The following ARHGAP6 variants were observed in gnomAD, a reference collection of about 807,000 sequenced individuals.
ARHGAP6 encodes the protein Rho GTPase activating protein 6, also known as rho GTPase-activating protein 6.
Under a neutral mutation model 55.7 loss-of-function variants are expected in ARHGAP6, and 16 were observed. That is an observed-to-expected ratio of 0.29 (90% CI 0.19 to 0.44). The LOEUF is 0.44. Among genes scored for constraint, ARHGAP6 ranks in the 20% least tolerant of loss-of-function variants. ARHGAP6 has a pLI of 1.00. For missense variants in ARHGAP6, 698 were observed against 808.9 expected, an observed-to-expected ratio of 0.86 and a Z score of 1.66; for synonymous variants, 382 against 360.9, an observed-to-expected ratio of 1.06 and a Z score of -0.66.
At position 11,196,933 on chromosome X, in the gene ARHGAP6, T is replaced by A; in HGVS notation, c.812A>T (p.Lys271Ile). ...KLDSLGKEKN[K>I]DKEFIPQAFG... Reference sequence around the variant, plus strand: ...GGTACTTTACCCTTTACCTTTGTCTTTGTTTTTCTCCTTTCCTAGTGAATC... The same window carrying A: ...GGTACTTTACCCTTTACCTTTGTCTATGTTTTTCTCCTTTCCTAGTGAATC... Residue 271 changes from lysine to isoleucine, a missense_variant, in exon 3 of 13, where the codon AAA (lysine) becomes ATA (isoleucine). Transcript: ENST00000337414. 1 of 1,083,334 alleles carries A rather than the reference T, an allele frequency of 9.2e-7. No homozygotes were observed. Among genetic ancestry groups the A allele is most frequent in the East Asian group, 3.0e-5 (1 of 33,235 alleles). The allele number at this position is 1,083,334 out of a possible 1,213,427, so 89.3% of individuals were successfully genotyped here.
chrX:11,439,374 C>T (rs770304128), intron 1 of ARHGAP6, among the ~76,000 whole-genome samples: 1 of 112,373 alleles, frequency 8.9e-6, no homozygotes, highest in East Asian at 2.8e-4. Flanking sequence ...CACACCCATT[C>T]GTTTACTTAC....
intron 1 of ARHGAP6, among the ~76,000 whole-genome samples, chrX:11,526,253 C>T (rs752625712): frequency 9.0e-6 from 1 of 111,486 alleles, no homozygotes; most frequent in East Asian, 2.8e-4. Context: ...TAAAGCTTCA[C>T]TCTGAGTCAT....
At chrX:11,197,283 C>T (rs1422689610) in intron 2 of ARHGAP6, among the ~76,000 whole-genome samples, 1 of 111,684 alleles carries the variant, frequency 9.0e-6, no homozygotes, top group African/African-American at 3.2e-5. Flanking sequence ...TTTAATTTTA[C>T]TATTATCTAA....
chrX:11,467,992 G>GAATAAATA (rs1199877737), intron 1 of ARHGAP6, among the ~76,000 whole-genome samples: 59 of 39,702 alleles, frequency 1.5e-3, no homozygotes, highest in Non-Finnish European at 2.6e-3. Context: ...ATGAATGAAT[G>GAATAAATA]AATAAATAAA....
rs1009664291 is a variant in ARHGAP6 at position 11,267,925 on chromosome X, G to A, written c.589-13218C>T. On this transcript the variant is annotated intron_variant, in intron 1 of 12. Transcript: ENST00000337414. Reference sequence around the variant, plus strand: ...ACCAATAAGAGACCAAAGAGTCACTGAAAGAGCCTTGGAAATAAATATCAG... The same window carrying A: ...ACCAATAAGAGACCAAAGAGTCACTAAAAGAGCCTTGGAAATAAATATCAG... Among the ~76,000 whole-genome samples, 6 of 112,360 alleles carry A rather than the reference G, an allele frequency of 5.3e-5. No individual in the cohort carries two copies. The Middle Eastern group carries it at 0.014, about 258-fold the overall frequency.
At chrX:11,357,679 T>G (rs1014805469) in intron 1 of ARHGAP6, among the ~76,000 whole-genome samples, 1 of 111,525 alleles carries the variant, frequency 9.0e-6, no homozygotes, top group Non-Finnish European at 1.9e-5. Flanking sequence ...AGATTCTGCC[T>G]TTGTGAGAGA....
intron 10 of ARHGAP6, chrX:11,145,045 A>G (rs774983036): frequency 2.1e-4 from 24 of 112,236 alleles, no homozygotes; most frequent in Non-Finnish European, 3.6e-4. Context: ...AACTTGAGCA[A>G]CGTGAAAAGA....
intron 1 of ARHGAP6, among the ~76,000 whole-genome samples, chrX:11,643,202 G>A (rs960670222): frequency 8.9e-6 from 1 of 111,759 alleles, no homozygotes; most frequent in African/African-American, 3.2e-5. Flanking sequence ...CCCTTCTACA[G>A]TCTTTCTTCT....
At chrX:11,631,234 G>C (rs1012630175) in intron 1 of ARHGAP6, among the ~76,000 whole-genome samples, 1 of 111,374 alleles carries the variant, frequency 9.0e-6, no homozygotes, top group African/African-American at 3.3e-5. Flanking sequence ...CCCTCAAAAA[G>C]GTAAAATGGG....
At position 11,188,183 on chromosome X, in the gene ARHGAP6, T is replaced by A. The variant is rs149748030; in HGVS notation, c.1077+545A>T. ...ACAATTCAAATAATAGCACAGTACC[T>A]AGAACATAGTACTTAACAATTGGTA... On this transcript the variant is annotated intron_variant, in intron 4 of 12. Transcript: ENST00000337414. 1.8e-3 allele frequency among the ~76,000 whole-genome samples: 200 copies of A among 112,110 alleles called. 1 individual carries two copies. Among genetic ancestry groups the A allele is most frequent in the African/African-American group, 6.2e-3 (190 of 30,847 alleles).
chrX:11,194,535 CT>C (rs1286738628), intron 3 of ARHGAP6, among the ~76,000 whole-genome samples: 1 of 111,937 alleles, frequency 8.9e-6, no homozygotes, highest in East Asian at 2.8e-4. Context: ...CTTTCACCTT[CT>C]TTTTTCCAAT....
chrX:11,478,343 G>A (rs972930854), intron 1 of ARHGAP6, among the ~76,000 whole-genome samples: 4 of 112,222 alleles, frequency 3.6e-5, no homozygotes, highest in African/African-American at 1.3e-4. Context: ...TTCATACAAT[G>A]GAAAACTACC....
chrX:11,165,063 G>A (rs2045999893), intron 9 of ARHGAP6, among the ~76,000 whole-genome samples: 1 of 112,083 alleles, frequency 8.9e-6, no homozygotes, highest in Non-Finnish European at 1.9e-5. Context: ...TTTTCAACAG[G>A]TGTTGATATC....
intron 2 of ARHGAP6, among the ~76,000 whole-genome samples, chrX:11,212,735 T>C (rs1309582640): frequency 8.9e-6 from 1 of 112,402 alleles, no homozygotes; most frequent in African/African-American, 3.2e-5. Flanking sequence ...TGATTGTCTA[T>C]AGATTTCTAT....
rs377559699 is a variant in ARHGAP6 at position 11,150,357 on chromosome X, C to A, written c.1908-6109G>T. ...TTAGTTCTGCAAAGCATCCCTTATG[C>A]GGAACTTAGGGGCCCGAGATGCCTC... On this transcript the variant is annotated intron_variant, in intron 10 of 12. Coordinates refer to ENST00000337414, the MANE Select transcript of ARHGAP6 (RefSeq NM_013427.3). Among the ~76,000 whole-genome samples, 41 of 111,108 alleles carry A rather than the reference C, an allele frequency of 3.7e-4. No homozygotes were observed. The South Asian group carries it at 0.015, about 41-fold the overall frequency.
At chrX:11,590,869 GGAAAGAAAGAAAGAAA>G (rs746597625) in intron 1 of ARHGAP6, among the ~76,000 whole-genome samples, 34 of 24,221 alleles carry the variant, frequency 1.4e-3, no homozygotes, top group South Asian at 3.5e-3. Flanking sequence ...AAGAAAAGAA[GGAAAGAAAGAAAGAAA>G]GAAAGAAAGA....
At chrX:11,272,683 A>AT (rs2047706548) in intron 1 of ARHGAP6, among the ~76,000 whole-genome samples, 1 of 110,992 alleles carries the variant, frequency 9.0e-6, no homozygotes, top group Non-Finnish European at 1.9e-5. Flanking sequence ...ACCAATTAAG[A>AT]GATTAAGTCT....
At chrX:11,316,684 A>G (rs1263031086) in intron 1 of ARHGAP6, among the ~76,000 whole-genome samples, 2 of 112,234 alleles carry the variant, frequency 1.8e-5, no homozygotes, top group Non-Finnish European at 3.8e-5. Context: ...AAAATATTGC[A>G]TCCTTTGACC....
intron 2 of ARHGAP6, among the ~76,000 whole-genome samples, chrX:11,211,251 T>C (rs374725452): frequency 0.01 from 1,098 of 105,798 alleles, 18 homozygotes; most frequent in African/African-American, 0.035. Flanking sequence ...GAGATGGAGT[T>C]TCCTCTGTCG....
Sources: allele counts gnomAD v4.1 joint callset (sites outside exome capture counted in the v4.1 genomes callset), GRCh38; gene constraint gnomAD v4.1.1; transcripts MANE v1.5; gene names NCBI Gene and HGNC (gene_info 2026-07-23, HGNC 2026-07-21).